The following PRKRA variants were observed in gnomAD, a reference collection of about 807,000 sequenced individuals.
PRKRA encodes the protein interferon-inducible double-stranded RNA-dependent protein kinase activator A.
PRKRA carries 22 observed loss-of-function variants against 32.4 expected under a neutral mutation model. The ratio of observed to expected loss-of-function variants is 0.68; its 90% CI spans 0.49 to 0.97. The LOEUF is 0.97. Among genes scored for constraint, PRKRA ranks in the 50% least tolerant of loss-of-function variants. PRKRA has a pLI of 0.00. For synonymous variants in PRKRA, 139 were observed against 129.8 expected (o/e 1.07, Z -0.48); for missense variants, 319 against 375.6 (o/e 0.85, Z 1.25).
At chr2:178,437,585 A>G (rs1050117754) in intron 6 of PRKRA, among the ~76,000 whole-genome samples, 6 of 152,228 alleles carry the variant, frequency 3.9e-5, no homozygotes, top group Admixed American at 6.5e-5. Context: ...AATTATTTCT[A>G]GAAGTGGAAC....
Position 178,436,232 on chromosome 2 carries a change from G to C in PRKRA, c.697C>G (p.Leu233Val), listed in dbSNP as rs778509328. The C allele has an allele frequency of 3.1e-6, 5 of 1,613,050 alleles. No homozygotes were observed. In the South Asian group the frequency reaches 4.4e-5, roughly 14 times the overall value. The change falls in exon 7 of 8, where the codon CTC becomes GTC. Residue 233 changes from leucine to valine, a missense_variant. Physicochemically the swap from Leu to Val is conservative, Grantham distance 32. Transcript: ENST00000325748. ...GEKINLLKRSLLSIPNTDYIQ... is the reference protein window; with the variant it reads ...GEKINLLKRSVLSIPNTDYIQ... ...TAATCTGTATTTGGAATACTAAGGA[G>C]GCTTCTTTTCAGTAAGTTGATCTTT...
At chr2:178,432,763 T>C (rs1696719936) in intron 7 of PRKRA, among the ~76,000 whole-genome samples, 1 of 152,144 alleles carries the variant, frequency 6.6e-6, no homozygotes, top group Non-Finnish European at 1.5e-5. Flanking sequence ...GTGTCTTCTA[T>C]TAAAAAAAAA....
chr2:178,450,871 T>C, intron 1 of PRKRA, 95 bp downstream of exon 1: 1 of 1,257,942 alleles, frequency 7.9e-7, no homozygotes, highest in Non-Finnish European at 1.0e-6. Context: ...CGGGCACGGC[T>C]TTACCCAGAA....
In PRKRA at chr2:178,443,482, G is replaced by A. The variant is rs1193727558; in HGVS notation, c.397-98C>T. The A allele has an allele frequency of 1.7e-5, 10 of 584,378 alleles. No homozygotes were observed. The Admixed American group carries it at 2.5e-4, about 15-fold the overall frequency. The allele number at this position is 584,378 out of a possible 1,614,324, so 36.2% of individuals were successfully genotyped here. ...TGATCCCATTTCTATGTATATGTTT[G>A]AAAAGAATAGTGATATTCTGCAACA... On this transcript the variant is annotated intron_variant, in intron 4 of 7. Transcript: ENST00000325748.
chr2:178,445,351 C>T (rs551068517), intron 3 of PRKRA: 2 of 146,810 alleles, frequency 1.4e-5, no homozygotes, highest in East Asian at 4.9e-4. Context: ...ATTGCCACTT[C>T]CTCAAGGTTT....
At chr2:178,446,542 T>C (rs1379822363) in intron 3 of PRKRA, among the ~76,000 whole-genome samples, 1 of 152,126 alleles carries the variant, frequency 6.6e-6, no homozygotes, top group Non-Finnish European at 1.5e-5. Flanking sequence ...AAAAAACCCA[T>C]CCCAAATTCC....
intron 1 of PRKRA, 93 bp downstream of exon 1, chr2:178,450,873 T>C: frequency 1.3e-6 from 2 of 1,484,800 alleles, no homozygotes; most frequent in Non-Finnish European, 1.8e-6. Context: ...GGCACGGCTT[T>C]ACCCAGAATG....
In PRKRA at chr2:178,447,721, T is replaced by TA; in HGVS notation, c.236-136dup. ...CTAGGTAATAAAAATATGTACGTTA[T>TA]ATACTGTACATAAAAATATGTACAT... On this transcript the variant is annotated intron_variant, in intron 2 of 7. Transcript: ENST00000325748. 3 of 883,418 alleles carry TA rather than the reference T, an allele frequency of 3.4e-6. No homozygotes were observed. The South Asian group carries it at 4.4e-5, about 13-fold the overall frequency. 54.7% of individuals were successfully genotyped at this position (883,418 alleles called of 1,614,324 possible).
rs369335856 is a variant in PRKRA, at chr2:178,434,959, T to TA, written c.784+1185dup. Among the ~76,000 whole-genome samples the TA allele has an allele frequency of 3.1e-3, 426 of 138,884 alleles. 1 individual carries two copies. The highest frequency in any genetic ancestry group is 5.6e-3 in the South Asian group (25 of 4,468). The allele number at this position is 138,884 out of a possible 152,430, so 91.1% of individuals were successfully genotyped here. ...AACATGGTGAAACTCCCATCTCTAC[T>TA]AAAAAAAAAAAAACTTTGGGAGGCC... is the stretch of plus-strand genomic sequence containing the variant. On this transcript the variant is annotated intron_variant, in intron 7 of 7. Coordinates refer to ENST00000325748, the MANE Select transcript of PRKRA (RefSeq NM_003690.5).
At position 178,447,537 on chromosome 2, in the gene PRKRA, G is replaced by A. The variant is rs546281621; in HGVS notation, c.285C>T (p.Ala95=). ...KLAKHRAAEA[A]INILKANASI... ...TTGCATTGGCTTTCAAAATGTTTATGGCAGCCTCTGCAGCTCTATGTTTCG... is the reference window on the plus strand; with the variant it reads ...TTGCATTGGCTTTCAAAATGTTTATAGCAGCCTCTGCAGCTCTATGTTTCG... Residue 95 remains alanine, a synonymous_variant, in exon 3 of 8, where the codon GCC becomes GCT. Coordinates refer to ENST00000325748, the MANE Select transcript of PRKRA (RefSeq NM_003690.5). The A allele has an allele frequency of 8.7e-6, 14 of 1,614,038 alleles. No individual in the cohort carries two copies. Among genetic ancestry groups the A allele is most frequent in the Admixed American group, 5.0e-5 (3 of 60,028 alleles).
Position 178,443,263 on chromosome 2 carries a change from G to T in PRKRA, c.514+4C>A. 1.4e-6 allele frequency: 1 copy of T among 735,778 alleles called. No homozygotes were observed. Among genetic ancestry groups the T allele is most frequent in the Non-Finnish European group, 2.0e-6 (1 of 504,080 alleles). The allele number at this position is 735,778 out of a possible 1,614,324, so 45.6% of individuals were successfully genotyped here. Reference sequence around the variant, plus strand: ...AAATGCCTTTAATTGTAAGAAATAAGTACCAGTTTCCATAAATGACTCTAG... The same window carrying T: ...AAATGCCTTTAATTGTAAGAAATAATTACCAGTTTCCATAAATGACTCTAG... On this transcript the variant is annotated splice_donor_region_variant and intron_variant, in intron 5 of 7. Coordinates refer to ENST00000325748, the MANE Select transcript of PRKRA (RefSeq NM_003690.5).
intron 2 of PRKRA, 60 bp downstream of exon 2, chr2:178,450,182 G>T (rs1697509322): frequency 7.7e-7 from 1 of 1,306,292 alleles, no homozygotes; most frequent in South Asian, 1.4e-5. Context: ...GAACTGAAAA[G>T]CAACACCAAG....
At position 178,436,309 on chromosome 2, in the gene PRKRA, A is replaced by G; in HGVS notation, c.620T>C (p.Val207Ala). The G allele has an allele frequency of 6.2e-7, 1 of 1,613,722 alleles. No homozygotes were observed. The highest frequency in any genetic ancestry group is 1.1e-5 in the South Asian group (1 of 91,080). The change falls in exon 7 of 8, where the codon GTA becomes GCA. Residue 207 changes from valine (V) to alanine (A), a missense_variant. Val to Ala is a moderately conservative substitution (Grantham distance 64, BLOSUM62 0). Transcript: ENST00000325748. ...PENHISLTNV[V>A]GHSLGCTWHS... ...CCAAGTACATCCTAAAGAATGTCCT[A>G]CTACATTTGTCTGAAAAACAGAGAT...
Position 178,443,383 on chromosome 2 carries a change from T to G in PRKRA, c.398A>C (p.Glu133Ala). Reference sequence around the variant, plus strand: ...TCTCCAGCCATGATGAATAGCCAATTCCTATAAAATCAAGATGAGGCTTTA... The same window carrying G: ...TCTCCAGCCATGATGAATAGCCAATGCCTATAAAATCAAGATGAGGCTTTA... ...NQLNPIGSLQ[E>A]LAIHHGWRLP... is the part of the protein sequence containing the mutation. The change falls in exon 5 of 8, where the codon GAA (glutamate) becomes GCA (alanine). Residue 133 changes from glutamate (E) to alanine (A), a missense_variant and splice_region_variant. By Grantham distance (107) the Glu-to-Ala change is moderately radical. Coordinates refer to ENST00000325748, the MANE Select transcript of PRKRA (RefSeq NM_003690.5). 6.3e-7 allele frequency: 1 copy of G among 1,579,978 alleles called. No individual in the cohort carries two copies. Among genetic ancestry groups the G allele is most frequent in the Non-Finnish European group, 8.7e-7 (1 of 1,149,104 alleles).
chr2:178,441,751 C>A, intron 5 of PRKRA, 47 bp from the exon 6 acceptor site: 1 of 1,433,266 alleles, frequency 7.0e-7, no homozygotes, highest in Non-Finnish European at 9.8e-7. Flanking sequence ...AAATTAGTGT[C>A]CACAGAGGAT....
At chr2:178,441,235 C>T (rs570275020) in intron 6 of PRKRA, among the ~76,000 whole-genome samples, 158 of 152,258 alleles carry the variant, frequency 1.0e-3, no homozygotes, top group African/African-American at 3.6e-3. Context: ...TTCACTGCAC[C>T]CCAGTACCCA....
chr2:178,438,034 T>C (rs2154124854), intron 6 of PRKRA, among the ~76,000 whole-genome samples: 1 of 152,318 alleles, frequency 6.6e-6, no homozygotes, highest in African/African-American at 2.4e-5. Context: ...AAGGTAGTAC[T>C]GAAAACAGTT....
intron 7 of PRKRA, among the ~76,000 whole-genome samples, chr2:178,434,975 T>G (rs967604094): frequency 4.6e-5 from 7 of 150,854 alleles, no homozygotes; most frequent in Non-Finnish European, 8.9e-5. Context: ...AAAAAAAACT[T>G]TGGGAGGCCG....
At position 178,432,178 on chromosome 2, in the gene PRKRA, G is replaced by A. The variant is rs116833881; in HGVS notation, c.861C>T (p.Ser287=). The A allele has an allele frequency of 3.0e-3, 4,809 of 1,613,034 alleles. No individual in the cohort carries two copies. The highest frequency in any genetic ancestry group is 0.027 in the African/African-American group (2,050 of 74,606). Reference sequence around the variant, plus strand: ...TTTGTGCATTGCCACAGGAGATACCGGAGCCATGACAGACTGTGATGGGGC... The same window carrying A: ...TTTGTGCATTGCCACAGGAGATACCAGAGCCATGACAGACTGTGATGGGGC... ...STSPITVCHG[S]GISCGNAQSD... Residue 287 remains serine (S), a synonymous_variant, in exon 8 of 8, where the codon TCC becomes TCT. Coordinates refer to ENST00000325748, the MANE Select transcript of PRKRA (RefSeq NM_003690.5).
Sources: gnomAD v4.1 joint callset for allele counts (sites outside exome capture counted in the v4.1 genomes callset) on GRCh38, gnomAD v4.1.1 for gene constraint, MANE v1.5 for transcripts, NCBI Gene and HGNC (gene_info 2026-07-23, HGNC 2026-07-21) for gene names.